Variants in ACTR3C observed in about 807,000 individuals in gnomAD.
ACTR3C encodes actin related protein 3C.
ACTR3C carries 18 observed loss-of-function variants against 26.3 expected under a neutral mutation model. The ratio of observed to expected loss-of-function variants is 0.68; its 90% CI spans 0.47 to 1.01. The LOEUF (loss-of-function observed/expected upper bound fraction) is 1.01. ACTR3C is among the 50% of genes least tolerant of loss of function. The pLI is 0.00. For missense variants in ACTR3C, 184 were observed against 250.7 expected (o/e 0.73, Z 1.80); for synonymous variants, 55 against 94.5 (o/e 0.58, Z 2.42).
intron 6 of ACTR3C, among the ~76,000 whole-genome samples, chr7:150,260,910 T>C (rs1263273946): frequency 6.6e-6 from 1 of 152,208 alleles, no homozygotes; most frequent in African/African-American, 2.4e-5. Context: ...TGACAAACTT[T>C]GTAGACACTT....
the ACTR3C span, among the ~76,000 whole-genome samples, chr7:150,019,279 T>A: frequency 1.2e-4 from 18 of 150,324 alleles, no homozygotes; most frequent in East Asian, 3.3e-3. Flanking sequence ...TGTGAAAGAA[T>A]TAATAACAGA....
At chr7:150,177,033 TGAA>T in the ACTR3C span, among the ~76,000 whole-genome samples, 2 of 150,740 alleles carry the variant, frequency 1.3e-5, no homozygotes, top group African/African-American at 5.0e-5. Context: ...AGTTGACCTT[TGAA>T]GAAGATTATA....
At chr7:150,048,316 C>T in the ACTR3C span, among the ~76,000 whole-genome samples, 1 of 151,954 alleles carries the variant, frequency 6.6e-6, no homozygotes, top group Non-Finnish European at 1.5e-5. Context: ...AGCTCCTCCT[C>T]CACCCCGGCC....
intron 1 of ACTR3C, among the ~76,000 whole-genome samples, chr7:150,306,124 T>C (rs1795790158): frequency 6.6e-6 from 1 of 152,278 alleles, no homozygotes; most frequent in African/African-American, 2.4e-5. Flanking sequence ...TAAACTTGAT[T>C]GTTTTTGAAC....
chr7:150,027,871 G>C, the ACTR3C span, among the ~76,000 whole-genome samples: 1 of 151,952 alleles, frequency 6.6e-6, no homozygotes, highest in African/African-American at 2.4e-5. Flanking sequence ...ACTATAATTT[G>C]AACATTCTCG....
the ACTR3C span, among the ~76,000 whole-genome samples, chr7:149,908,785 C>CT: frequency 0.26 from 37,978 of 145,702 alleles, 5,473 homozygotes; most frequent in South Asian, 0.41. Flanking sequence ...GGAATCCTAT[C>CT]TTTTTTTTTT....
At chr7:150,287,902 C>G (rs2531063) in intron 4 of ACTR3C, among the ~76,000 whole-genome samples, 4,085 of 120,902 alleles carry the variant, frequency 0.034, 181 homozygotes, top group South Asian at 0.091. Flanking sequence ...TCAAATGCTT[C>G]CTAGGAAATG....
At chr7:149,985,743 C>A in the ACTR3C span, among the ~76,000 whole-genome samples, 21 of 152,276 alleles carry the variant, frequency 1.4e-4, no homozygotes, top group South Asian at 4.1e-3. Context: ...TTCAATCAAG[C>A]ACAGCCCATG....
At chr7:150,270,641 G>T (rs999912769) in intron 6 of ACTR3C, among the ~76,000 whole-genome samples, 7 of 152,118 alleles carry the variant, frequency 4.6e-5, no homozygotes, top group Admixed American at 3.3e-4. Context: ...CATGTGCTCA[G>T]CACAGCACTC....
chr7:150,182,235 G>A, the ACTR3C span, among the ~76,000 whole-genome samples: 3 of 150,674 alleles, frequency 2.0e-5, no homozygotes, highest in Non-Finnish European at 4.4e-5. Context: ...ATTGATTACT[G>A]TGGATTTGTT....
intron 1 of ACTR3C, among the ~76,000 whole-genome samples, chr7:150,306,141 T>C (rs573060290): frequency 6.6e-6 from 1 of 152,366 alleles, no homozygotes; most frequent in South Asian, 2.1e-4. Flanking sequence ...GAACATTCAT[T>C]GCAGGTACCC....
the ACTR3C span, among the ~76,000 whole-genome samples, chr7:150,077,826 C>T: frequency 2.0e-5 from 3 of 152,216 alleles, no homozygotes; most frequent in Admixed American, 6.5e-5. Context: ...ACAATCTGCA[C>T]TAAGATTTCT....
chr7:150,298,565 T>C (rs977784129), intron 1 of ACTR3C, among the ~76,000 whole-genome samples: 1 of 143,572 alleles, frequency 7.0e-6, no homozygotes, highest in Non-Finnish European at 1.5e-5. Flanking sequence ...ACTCAGAGAG[T>C]TGGAAAGATT....
At chr7:150,116,590 A>C in the ACTR3C span, among the ~76,000 whole-genome samples, 1 of 152,248 alleles carries the variant, frequency 6.6e-6, no homozygotes, top group Non-Finnish European at 1.5e-5. Context: ...AATCACAGAC[A>C]TAAGGAGAAA....
the ACTR3C span, among the ~76,000 whole-genome samples, chr7:150,105,329 G>A: frequency 6.6e-6 from 1 of 151,746 alleles, no homozygotes; most frequent in African/African-American, 2.4e-5. Flanking sequence ...TGATCCACCC[G>A]CCTCGGCCTC....
the ACTR3C span, among the ~76,000 whole-genome samples, chr7:150,088,189 C>A: frequency 6.6e-6 from 1 of 152,178 alleles, no homozygotes; most frequent in Non-Finnish European, 1.5e-5. Flanking sequence ...TTCAAAAATG[C>A]CCAATTTATC....
At chr7:150,301,097 T>G in intron 1 of ACTR3C, among the ~76,000 whole-genome samples, 1 of 152,192 alleles carries the variant, frequency 6.6e-6, no homozygotes, top group East Asian at 1.9e-4. Context: ...CACATAGAAG[T>G]ACTCAATAAA....
At chr7:150,076,641 GAAT>G in the ACTR3C span, 1 of 152,114 alleles carries the variant, frequency 6.6e-6, no homozygotes, top group South Asian at 2.1e-4. Context: ...GAAGCTCCCA[GAAT>G]AATCACAACT....
chr7:150,313,136 T>C (rs1467901705), intron 1 of ACTR3C, among the ~76,000 whole-genome samples: 1 of 152,212 alleles, frequency 6.6e-6, no homozygotes, highest in East Asian at 1.9e-4. Context: ...AACTTTCCAC[T>C]ACCTACCCAA....
Sources: gnomAD v4.1 joint callset for allele counts (sites outside exome capture counted in the v4.1 genomes callset) on GRCh38, gnomAD v4.1.1 for gene constraint, MANE v1.5 for transcripts, NCBI Gene and HGNC (gene_info 2026-07-23, HGNC 2026-07-21) for gene names.